Variants in ANKRD33B observed in about 807,000 individuals in gnomAD.
The protein encoded by ANKRD33B is ankyrin repeat domain-containing protein 33B.
ANKRD33B carries 6 observed loss-of-function variants against 21.5 expected under a neutral mutation model. The ratio of observed to expected loss-of-function variants is 0.28; its 90% CI spans 0.15 to 0.55. The LOEUF (loss-of-function observed/expected upper bound fraction) is 0.55. Ranked by LOEUF, ANKRD33B falls within the 20% of genes least tolerant of loss-of-function variation. The pLI, the probability that ANKRD33B is intolerant of heterozygous loss-of-function variation, is 0.94. For synonymous variants in ANKRD33B, 347 were observed against 342.4 expected, an observed-to-expected ratio of 1.01 and a Z score of -0.15; for missense variants, 698 against 747.2, an observed-to-expected ratio of 0.93 and a Z score of 0.77.
chr5:10,638,726 C>T (rs72491392), intron 3 of ANKRD33B, among the ~76,000 whole-genome samples: 40,169 of 151,728 alleles, frequency 0.26, 5,731 homozygotes, highest in Middle Eastern at 0.48. Flanking sequence ...TGCATGGTAA[C>T]GTTAGAAGGC....
At chr5:10,622,619 C>A (rs749946699) in intron 2 of ANKRD33B, among the ~76,000 whole-genome samples, 10 of 152,046 alleles carry the variant, frequency 6.6e-5, no homozygotes, top group African/African-American at 1.2e-4. Flanking sequence ...GAAAAATGTT[C>A]TTTTGCTTCT....
chr5:10,646,282 A>T (rs1368540663), intron 3 of ANKRD33B, among the ~76,000 whole-genome samples: 2 of 152,180 alleles, frequency 1.3e-5, no homozygotes, highest in African/African-American at 4.8e-5. Flanking sequence ...GAGAAGATGG[A>T]TACAGTGGCA....
chr5:10,594,155 A>G (rs1735767265), intron 1 of ANKRD33B, among the ~76,000 whole-genome samples: 1 of 146,184 alleles, frequency 6.8e-6, no homozygotes, highest in South Asian at 2.1e-4. Flanking sequence ...TAAAGAGATC[A>G]TGTATTTATT....
chr5:10,630,522 A>G (rs9312739), intron 2 of ANKRD33B, among the ~76,000 whole-genome samples: 2,388 of 152,340 alleles, frequency 0.016, 62 homozygotes, highest in African/African-American at 0.054. Context: ...CATTGTAGGA[A>G]CTAAGGGCCT....
At chr5:10,640,787 G>A (rs2126604001) in intron 3 of ANKRD33B, among the ~76,000 whole-genome samples, 1 of 152,340 alleles carries the variant, frequency 6.6e-6, no homozygotes, top group Middle Eastern at 3.4e-3. Flanking sequence ...ATTTGTAACT[G>A]TAGAAATTTA....
chr5:10,611,565 G>A (rs949146093), intron 1 of ANKRD33B, among the ~76,000 whole-genome samples: 3 of 152,112 alleles, frequency 2.0e-5, no homozygotes, highest in Admixed American at 6.6e-5. Context: ...TCTGACCTGC[G>A]GTGCTGGGGC....
At chr5:10,566,413 C>G (rs1253084154) in intron 1 of ANKRD33B, among the ~76,000 whole-genome samples, 3 of 152,160 alleles carry the variant, frequency 2.0e-5, no homozygotes, top group East Asian at 3.9e-4. Flanking sequence ...AATCAGAAAC[C>G]TTGCTTTCTG....
At chr5:10,636,193 A>G in intron 2 of ANKRD33B, among the ~76,000 whole-genome samples, 1 of 152,208 alleles carries the variant, frequency 6.6e-6, no homozygotes, top group East Asian at 1.9e-4. Flanking sequence ...ATGCCAAGTT[A>G]AGGAGAGAGT....
At chr5:10,592,710 C>A (rs973692717) in intron 1 of ANKRD33B, among the ~76,000 whole-genome samples, 8 of 152,104 alleles carry the variant, frequency 5.3e-5, no homozygotes, top group African/African-American at 1.9e-4. Context: ...TTCTTGGCCA[C>A]CTGTCTGCTC....
chr5:10,578,123 G>A (rs901676445), intron 1 of ANKRD33B, among the ~76,000 whole-genome samples: 6 of 152,200 alleles, frequency 3.9e-5, no homozygotes. Context: ...ATGGGTGGAA[G>A]GCCACTTTCA....
rs543848371 is a variant in ANKRD33B at position 10,640,018 on chromosome 5, G to A, written c.637+1850G>A. ...ATGTTAGCGGGTGACGTGGAGTTGC[G>A]CGGCGATGTTAGCGGGTGACGTGGA... is the stretch of plus-strand genomic sequence containing the variant. On this transcript the variant is annotated intron_variant, in intron 3 of 3. Coordinates refer to ENST00000296657, the MANE Select transcript of ANKRD33B (RefSeq NM_001164440.2). Among the ~76,000 whole-genome samples, 13 of 87,476 alleles carry A rather than the reference G, an allele frequency of 1.5e-4. 1 individual carries two copies. The East Asian group carries it at 2.0e-3, about 14-fold the overall frequency. The allele number at this position is 87,476 out of a possible 152,430, so 57.4% of individuals were successfully genotyped here.
chr5:10,582,765 C>G (rs1283868855), intron 1 of ANKRD33B, among the ~76,000 whole-genome samples: 1 of 152,244 alleles, frequency 6.6e-6, no homozygotes, highest in African/African-American at 2.4e-5. Context: ...CTCCCATGGA[C>G]TTCCCGTGGG....
intron 1 of ANKRD33B, among the ~76,000 whole-genome samples, chr5:10,602,727 T>C (rs928028008): frequency 1.3e-5 from 2 of 152,174 alleles, no homozygotes; most frequent in Non-Finnish European, 2.9e-5. Flanking sequence ...TTCATGAAAT[T>C]GTATGCAGCA....
chr5:10,605,047 C>T (rs1425197059), intron 1 of ANKRD33B, among the ~76,000 whole-genome samples: 1 of 152,178 alleles, frequency 6.6e-6, no homozygotes, highest in Non-Finnish European at 1.5e-5. Flanking sequence ...GCCACAGGGT[C>T]CTCTTCCAAA....
In ANKRD33B at chr5:10,564,386, G is replaced by C. The variant is rs1396181631; in HGVS notation, c.-82G>C. 299 of 939,984 alleles carry C rather than the reference G, an allele frequency of 3.2e-4. No homozygotes were observed. Among genetic ancestry groups the C allele is most frequent in the Non-Finnish European group, 3.5e-4 (277 of 783,340 alleles). 58.2% of individuals were successfully genotyped at this position (939,984 alleles called of 1,614,324 possible). ...GGCTTCTCTGGGGACGCAGAAGCGAGAAGCGGGGACCTCGGCGCGCGCCCC... is the reference window on the plus strand; with the variant it reads ...GGCTTCTCTGGGGACGCAGAAGCGACAAGCGGGGACCTCGGCGCGCGCCCC... On this transcript the variant is annotated 5_prime_UTR_variant, in exon 1 of 4. Coordinates refer to ENST00000296657, the MANE Select transcript of ANKRD33B (RefSeq NM_001164440.2).
intron 1 of ANKRD33B, among the ~76,000 whole-genome samples, chr5:10,598,974 A>G (rs1008864092): frequency 1.3e-5 from 2 of 152,222 alleles, no homozygotes; most frequent in Admixed American, 6.5e-5. Flanking sequence ...TATGATTTTG[A>G]CAAATATATA....
chr5:10,603,972 A>G (rs1211988215), intron 1 of ANKRD33B, among the ~76,000 whole-genome samples: 3 of 148,148 alleles, frequency 2.0e-5, no homozygotes, highest in Non-Finnish European at 3.0e-5. Flanking sequence ...TCGGCTCACT[A>G]TAACCTCTGC....
chr5:10,613,572 T>G (rs2895563), intron 1 of ANKRD33B, among the ~76,000 whole-genome samples: 10,679 of 152,228 alleles, frequency 0.07, 474 homozygotes, highest in Middle Eastern at 0.099. Flanking sequence ...TGATATAATT[T>G]CCTCATGAAT....
At chr5:10,582,409 C>A (rs1258305459) in intron 1 of ANKRD33B, among the ~76,000 whole-genome samples, 8 of 152,206 alleles carry the variant, frequency 5.3e-5, no homozygotes, top group African/African-American at 1.9e-4. Context: ...GGATGTCCAC[C>A]ATGATGGTCT....
Sources: gnomAD v4.1 joint callset for allele counts (sites outside exome capture counted in the v4.1 genomes callset) on GRCh38, gnomAD v4.1.1 for gene constraint, MANE v1.5 for transcripts, NCBI Gene and HGNC (gene_info 2026-07-23, HGNC 2026-07-21) for gene names.